PLK5: variants seen among roughly 807,000 people sequenced by gnomAD.
PLK5 encodes the protein inactive serine/threonine-protein kinase PLK5.
A neutral mutation model predicts 33.7 loss-of-function variants in PLK5; 28 were observed. That is an observed-to-expected ratio of 0.83 (90% confidence interval 0.62 to 1.14). The LOEUF is 1.14. Among genes scored for constraint, PLK5 ranks in the 50% most tolerant of loss-of-function variants. PLK5 has a pLI of 0.00. For synonymous variants in PLK5, 225 were observed against 202.2 expected, an observed-to-expected ratio of 1.11 and a Z score of -0.96; for missense variants, 492 against 461.5, an observed-to-expected ratio of 1.07 and a Z score of -0.61.
At chr19:1,533,860 G>A in intron 12 of PLK5, 71 bp from the exon 13 acceptor site, 2 of 1,234,640 alleles carry the variant, frequency 1.6e-6, no homozygotes, top group Non-Finnish European at 2.3e-6. Context: ...TGAGAGCTGG[G>A]GTGCTGGGTG....
Position 1,528,910 on chromosome 19 carries a change from C to T in PLK5, c.341C>T (p.Pro114Leu), listed in dbSNP as rs957308614. ...GTGCCTCCCTCAGGCCCCTTCACGC[C>T]TAAAGAGGCCTCGGGTCCAGGAGAA... Reference protein sequence around the residue: ...TQCRPPCPFTPKEASGPGEGG... With the variant: ...TQCRPPCPFTLKEASGPGEGG... Residue 114 changes from proline (P) to leucine (L), a missense_variant, in exon 9 of 14, where the codon CCT becomes CTT. Coordinates refer to ENST00000454744, the MANE Select transcript of PLK5 (RefSeq NM_001243079.2). The T allele has an allele frequency of 1.3e-6, 2 of 1,517,186 alleles. No homozygotes were observed. The highest frequency in any genetic ancestry group is 2.1e-5 in the Admixed American group (1 of 47,520). The allele number at this position is 1,517,186 out of a possible 1,614,324, so 94.0% of individuals were successfully genotyped here. A position where few individuals can be genotyped will look rare whatever the true frequency, so the allele number is the denominator to read the frequency against.
chr19:1,529,556 G>C (rs536719971), intron 10 of PLK5, 66 bp downstream of exon 10: 5 of 1,481,252 alleles, frequency 3.4e-6, no homozygotes, highest in Admixed American at 3.9e-5. Flanking sequence ...GTGACAGGGG[G>C]ACCAAGGCCG....
rs1914004468 is a variant in PLK5, at chr19:1,533,851, G to A, written c.715-80G>A. ...GCCTGCGGCGGCGGCTGCGGGAGGT[G>A]AGAGCTGGGGTGCTGGGTGTGGGGG... On this transcript the variant is annotated intron_variant, in intron 12 of 13. Transcript: ENST00000454744. 1.9e-5 allele frequency: 23 copies of A among 1,182,418 alleles called. 1 individual carries two copies. Among genetic ancestry groups the A allele is most frequent in the African/African-American group, 1.5e-5 (1 of 65,444 alleles). The allele number at this position is 1,182,418 out of a possible 1,614,324, so 73.2% of individuals were successfully genotyped here.
At position 1,524,980 on chromosome 19, in the gene PLK5, A is replaced by G. The variant is rs1022821769; in HGVS notation, c.-543-325A>G. The G allele has an allele frequency of 1.3e-5, 2 of 150,752 alleles. No homozygotes were observed. The highest frequency in any genetic ancestry group is 6.7e-5 in the Admixed American group (1 of 14,892). 9.3% of individuals were successfully genotyped at this position (150,752 alleles called of 1,614,324 possible). On this transcript the variant is annotated intron_variant, in intron 1 of 13. Transcript: ENST00000454744. The surrounding 1 kb of genome is among the most constrained non-coding windows in gnomAD (Gnocchi z 4.5). ...TATCTGGGTGTTGTGTTGTGTGTCC[A>G]TGCATGGTGACTCTGTGTCTGGGCG...
intron 6 of PLK5, among the ~76,000 whole-genome samples, chr19:1,527,685 CT>C (rs1913780357): frequency 6.6e-6 from 1 of 151,444 alleles, no homozygotes; most frequent in Non-Finnish European, 1.5e-5. Flanking sequence ...TGGACAGACG[CT>C]GGTGTCCACC....
rs1247349539 is a variant in PLK5, at chr19:1,524,673, A to G, written c.-544+427A>G. Among the ~76,000 whole-genome samples the G allele has an allele frequency of 6.7e-6, 1 of 149,928 alleles. No individual in the cohort carries two copies. Among genetic ancestry groups the G allele is most frequent in the Non-Finnish European group, 1.5e-5 (1 of 67,616 alleles). The stretch of plus-strand genomic sequence containing the variant: ...CTTGTTCACCTGTTGTTTGTGCGTC[A>G]TGCCTTTGTGTGTCCAGTCATTGTG... On this transcript the variant is annotated intron_variant, in intron 1 of 13. Transcript: ENST00000454744. The surrounding 1 kb of genome is among the most constrained non-coding windows in gnomAD (Gnocchi z 4.5).
intron 13 of PLK5, among the ~76,000 whole-genome samples, chr19:1,534,527 C>T (rs1473083005): frequency 2.2e-5 from 3 of 137,534 alleles, no homozygotes; most frequent in Admixed American, 7.5e-5. Flanking sequence ...AAAAAAAGGC[C>T]GGGCACGGTG....
intron 11 of PLK5, among the ~76,000 whole-genome samples, chr19:1,531,069 C>T (rs535742160): frequency 4.1e-5 from 6 of 147,084 alleles, no homozygotes; most frequent in African/African-American, 1.3e-4. Flanking sequence ...TCAGCCTGGG[C>T]AACAGAGCGA....
intron 13 of PLK5, 48 bp downstream of exon 13, chr19:1,534,089 G>A (rs1226218799): frequency 1.1e-5 from 16 of 1,437,558 alleles, no homozygotes; most frequent in Admixed American, 5.9e-5. Flanking sequence ...GCAGGGTGGG[G>A]TCTGGCCTGC....
intron 3 of PLK5, 33 bp from the exon 4 acceptor site, chr19:1,526,452 TG>T (rs1184219506): frequency 4.3e-6 from 1 of 235,096 alleles, no homozygotes; most frequent in Non-Finnish European, 8.7e-6. Flanking sequence ...AGCTTACATT[TG>T]CCTTCTAATC....
At chr19:1,533,893 C>A (rs1334270058) in intron 12 of PLK5, 38 bp from the exon 13 acceptor site, 26 of 1,468,138 alleles carry the variant, frequency 1.8e-5, no homozygotes, top group Non-Finnish European at 2.3e-5. Context: ...GTGGGGACGC[C>A]CCCTGCGTCA....
At chr19:1,529,030 C>T (rs1568253258) in intron 9 of PLK5, 56 bp downstream of exon 9, 8 of 1,394,378 alleles carry the variant, frequency 5.7e-6, no homozygotes, top group Non-Finnish European at 6.6e-6. Context: ...ATGCTGGCCC[C>T]TGCTAAAACC....
chr19:1,531,198 C>G (rs1393878116), intron 11 of PLK5, among the ~76,000 whole-genome samples: 1 of 151,950 alleles, frequency 6.6e-6, no homozygotes, highest in East Asian at 2.0e-4. Flanking sequence ...ATCACAAGGT[C>G]AGGAGATCGA....
At chr19:1,529,945 C>G in intron 11 of PLK5, 121 bp downstream of exon 11, 7 of 1,018,950 alleles carry the variant, frequency 6.9e-6, no homozygotes, top group Non-Finnish European at 9.8e-6. Flanking sequence ...GTGAGGGAGG[C>G]CCCAGGACAC....
In PLK5 at chr19:1,527,602, TA is replaced by T. The variant is rs11400311; in HGVS notation, c.3-322del. Among the ~76,000 whole-genome samples the T allele has an allele frequency of 5.7e-3, 833 of 147,124 alleles. 9 individuals are homozygous for T. The highest frequency in any genetic ancestry group is 0.019 in the African/African-American group (750 of 39,980). The stretch of plus-strand genomic sequence containing the variant: ...GGGTGACAGAATGAGACCCTGTCTT[TA>T]AAAAAAAAAAATAGAAGCATTGAAA... On this transcript the variant is annotated intron_variant, in intron 6 of 13. Coordinates refer to ENST00000454744, the MANE Select transcript of PLK5 (RefSeq NM_001243079.2).
At chr19:1,529,066 A>G in intron 9 of PLK5, 92 bp downstream of exon 9, 1 of 1,174,586 alleles carries the variant, frequency 8.5e-7, no homozygotes, top group Non-Finnish European at 1.2e-6. Flanking sequence ...GCTTCTCTGA[A>G]CCCCTTCTGG....
At chr19:1,527,513 G>GAT (rs1913775587) in intron 6 of PLK5, among the ~76,000 whole-genome samples, 1 of 152,058 alleles carries the variant, frequency 6.6e-6, no homozygotes, top group Non-Finnish European at 1.5e-5. Context: ...GAGTTGGGAG[G>GAT]ATTGCTTGAG....
At chr19:1,533,710 T>C (rs1913999001) in intron 12 of PLK5, 2 of 599,058 alleles carry the variant, frequency 3.3e-6, no homozygotes, top group East Asian at 2.8e-5. Flanking sequence ...CCCTGTGTCC[T>C]GGCCCCAGCC....
chr19:1,534,808 C>G (rs1371810554), intron 13 of PLK5, among the ~76,000 whole-genome samples: 4 of 130,244 alleles, frequency 3.1e-5, no homozygotes, highest in Non-Finnish European at 1.5e-5. Context: ...CAGAGCAGGA[C>G]TCTGTTTAAA....
Sources: gnomAD v4.1 joint callset for allele counts (sites outside exome capture counted in the v4.1 genomes callset) on GRCh38, gnomAD v4.1.1 for gene constraint, Gnocchi (gnomAD v3.1) non-coding constraint, MANE v1.5 for transcripts, NCBI Gene and HGNC (gene_info 2026-07-23, HGNC 2026-07-21) for gene names.